GCNT2: variants seen among roughly 807,000 people sequenced by gnomAD.
GCNT2 encodes glucosaminyl (N-acetyl) transferase 2 (I blood group), also known as N-acetyllactosaminide beta-1,6-N-acetylglucosaminyl-transferase.
GCNT2 carries 34 observed loss-of-function variants against 34.2 expected under a neutral mutation model. The ratio of observed to expected loss-of-function variants is 1.00; its 90% confidence interval spans 0.76 to 1.32. GCNT2 has a LOEUF of 1.32. Among genes scored for constraint, GCNT2 ranks in the 40% most tolerant of loss-of-function variants. The pLI is 0.00. For synonymous variants in GCNT2, 212 were observed against 188.0 expected (o/e 1.13, Z -1.04); for missense variants, 584 against 489.4 (o/e 1.19, Z -1.82).
intron 3 of GCNT2, among the ~76,000 whole-genome samples, chr6:10,532,882 T>C (rs1761561816): frequency 6.6e-6 from 1 of 151,768 alleles, no homozygotes; most frequent in South Asian, 2.1e-4. Context: ...GTAAGGGTCC[T>C]TCTGGTTGAT....
intron 1 of GCNT2, among the ~76,000 whole-genome samples, chr6:10,526,314 A>G (rs577990604): frequency 1.2e-4 from 18 of 152,310 alleles, no homozygotes; most frequent in African/African-American, 4.3e-4. Context: ...GAACTGACTC[A>G]CTGTGTTCTA....
chr6:10,529,600 A>T lies in GCNT2; in HGVS notation c.689A>T (p.Lys230Ile). 1 of 1,614,156 alleles carries T rather than the reference A, an allele frequency of 6.2e-7. No homozygotes were observed. The highest frequency in any genetic ancestry group is 8.5e-7 in the Non-Finnish European group (1 of 1,179,986). Reference sequence around the variant, plus strand: ...CCTGACCACGCTGTTGGACGGACTAAATACGTCCACCAAGAACTGTTAAAC... The same window carrying T: ...CCTGACCACGCTGTTGGACGGACTATATACGTCCACCAAGAACTGTTAAAC... ...LPPDHAVGRTKYVHQELLNHK... is the reference protein window; with the variant it reads ...LPPDHAVGRTIYVHQELLNHK... The change falls in exon 3 of 5, where the codon AAA becomes ATA. Residue 230 changes from lysine (K) to isoleucine (I), a missense_variant. Coordinates refer to ENST00000495262, the MANE Select transcript of GCNT2 (RefSeq NM_145649.5).
chr6:10,580,508 G>A (rs1432413663), intron 3 of GCNT2, among the ~76,000 whole-genome samples: 3 of 151,982 alleles, frequency 2.0e-5, no homozygotes, highest in African/African-American at 7.3e-5. Context: ...TCTCGCTTGT[G>A]GCCAAAGAGT....
chr6:10,607,257 A>AAG (rs1765360854), intron 3 of GCNT2, among the ~76,000 whole-genome samples: 1 of 152,158 alleles, frequency 6.6e-6, no homozygotes, highest in Non-Finnish European at 1.5e-5. Flanking sequence ...GCTGTACAGC[A>AAG]AGCAAAATCC....
intron 4 of GCNT2, among the ~76,000 whole-genome samples, chr6:10,623,298 T>A (rs1434515443): frequency 2.0e-5 from 3 of 152,098 alleles, no homozygotes; most frequent in Non-Finnish European, 4.4e-5. Context: ...CATTATTTTT[T>A]TTTTTTTTTG....
intron 3 of GCNT2, among the ~76,000 whole-genome samples, chr6:10,545,612 A>C (rs1009032593): frequency 6.6e-6 from 1 of 152,182 alleles, no homozygotes; most frequent in Admixed American, 6.5e-5. Context: ...AAATCATAAC[A>C]GTTTTCATGA....
chr6:10,588,952 TA>T (rs1764488929), intron 3 of GCNT2, among the ~76,000 whole-genome samples: 2 of 132,174 alleles, frequency 1.5e-5, no homozygotes, highest in Non-Finnish European at 3.2e-5. Flanking sequence ...TGTGTGTTTG[TA>T]GTGTGTGTGG....
intron 3 of GCNT2, among the ~76,000 whole-genome samples, chr6:10,582,253 AAT>A (rs1184857675): frequency 8.3e-6 from 1 of 120,708 alleles, no homozygotes; most frequent in African/African-American, 3.3e-5. Context: ...AAATATATAT[AAT>A]ATATACTATA....
chr6:10,547,269 A>C (rs549410685), intron 3 of GCNT2, among the ~76,000 whole-genome samples: 2 of 152,362 alleles, frequency 1.3e-5, no homozygotes, highest in African/African-American at 4.8e-5. Flanking sequence ...ACCACAGTAC[A>C]ACTATCAAGT....
At position 10,528,817 on chromosome 6, in the gene GCNT2, G is replaced by T; in HGVS notation, c.-95G>T. On this transcript the variant is annotated 5_prime_UTR_variant, in exon 3 of 5. Transcript: ENST00000495262. ...AGACGAGAGCTTCAGCCATCACGAG[G>T]ATGATTTCGGAACCTGGAGAAAATG... 2.0e-6 allele frequency: 2 copies of T among 984,766 alleles called. No homozygotes were observed. The highest frequency in any genetic ancestry group is 3.3e-6 in the Non-Finnish European group (2 of 615,040). The allele number at this position is 984,766 out of a possible 1,614,324, so 61.0% of individuals were successfully genotyped here. A position where few individuals can be genotyped will look rare whatever the true frequency, so the allele number is the denominator to read the frequency against.
At chr6:10,557,642 C>T (rs1762784719) in intron 3 of GCNT2, among the ~76,000 whole-genome samples, 1 of 152,002 alleles carries the variant, frequency 6.6e-6, no homozygotes, top group Admixed American at 6.6e-5. Context: ...TGCACACCAC[C>T]ATACTGGGCT....
Position 10,626,729 on chromosome 6 carries a change from C to T in GCNT2, c.*122C>T. The T allele has an allele frequency of 1.4e-6, 1 of 717,572 alleles. No individual in the cohort carries two copies. Among genetic ancestry groups the T allele is most frequent in the South Asian group, 1.5e-5 (1 of 66,394 alleles). The allele number at this position is 717,572 out of a possible 1,614,324, so 44.5% of individuals were successfully genotyped here. A position where few individuals can be genotyped will look rare whatever the true frequency, so the allele number is the denominator to read the frequency against. Reference sequence around the variant, plus strand: ...CAGGACCACGTTTATAGCTTCAGGACCTGGCTACGTAATTATACTTAAAAT... The same window carrying T: ...CAGGACCACGTTTATAGCTTCAGGATCTGGCTACGTAATTATACTTAAAAT... On this transcript the variant is annotated 3_prime_UTR_variant, in exon 5 of 5. Coordinates refer to ENST00000495262, the MANE Select transcript of GCNT2 (RefSeq NM_145649.5).
intron 3 of GCNT2, among the ~76,000 whole-genome samples, chr6:10,561,248 C>T (rs1177682387): frequency 3.9e-5 from 6 of 152,164 alleles, no homozygotes; most frequent in Non-Finnish European, 7.3e-5. Flanking sequence ...CCGCAACCTC[C>T]GCCTCCTGGG....
intron 3 of GCNT2, among the ~76,000 whole-genome samples, chr6:10,603,300 C>T (rs186983485): frequency 3.9e-5 from 6 of 152,228 alleles, no homozygotes; most frequent in East Asian, 1.9e-4. Flanking sequence ...TTAATAGTTA[C>T]GTTATTGTCA....
At chr6:10,558,370 G>C (rs943313827) in intron 3 of GCNT2, among the ~76,000 whole-genome samples, 12 of 152,180 alleles carry the variant, frequency 7.9e-5, no homozygotes, top group African/African-American at 2.7e-4. Flanking sequence ...TTGTTGAGCT[G>C]AGAAATATTT....
rs1421592625 is a variant in GCNT2 at position 10,626,523 on chromosome 6, T to G, written c.1125T>G (p.Leu375=). The G allele has an allele frequency of 6.2e-7, 1 of 1,613,354 alleles. No individual in the cohort carries two copies. Among genetic ancestry groups the G allele is most frequent in the Non-Finnish European group, 8.5e-7 (1 of 1,179,416 alleles). ...AGTTTGAGCTTAATACCTACCCCCT[T>G]ACTGTGGAATGCCTAGAACTGAGGC... is the stretch of plus-strand genomic sequence containing the variant. ...ANKFELNTYP[L]TVECLELRHR... The change falls in exon 5 of 5, where the codon CTT becomes CTG. Residue 375 remains leucine (L), a synonymous_variant. Coordinates refer to ENST00000495262, the MANE Select transcript of GCNT2 (RefSeq NM_145649.5).
intron 3 of GCNT2, among the ~76,000 whole-genome samples, chr6:10,599,676 C>T (rs971155505): frequency 5.3e-5 from 8 of 152,124 alleles, no homozygotes; most frequent in African/African-American, 1.9e-4. Flanking sequence ...TTGTAGCTTA[C>T]GATCTTGGAC....
At chr6:10,545,521 T>C (rs923647868) in intron 3 of GCNT2, among the ~76,000 whole-genome samples, 1 of 152,228 alleles carries the variant, frequency 6.6e-6, no homozygotes, top group African/African-American at 2.4e-5. Context: ...TGTCTCTTTC[T>C]AGTATTCTCC....
chr6:10,562,280 G>A (rs1028577018), intron 3 of GCNT2, among the ~76,000 whole-genome samples: 1 of 152,178 alleles, frequency 6.6e-6, no homozygotes, highest in Non-Finnish European at 1.5e-5. Flanking sequence ...GCTTCCATCA[G>A]GCAAATTCTC....
Sources: allele counts gnomAD v4.1 joint callset (sites outside exome capture counted in the v4.1 genomes callset), GRCh38; gene constraint gnomAD v4.1.1; transcripts MANE v1.5; gene names NCBI Gene and HGNC (gene_info 2026-07-23, HGNC 2026-07-21).